CACNB2: variants seen among roughly 807,000 people sequenced by gnomAD.
CACNB2 encodes the protein calcium voltage-gated channel auxiliary subunit beta 2.
In CACNB2, 42 loss-of-function variants were observed where a neutral mutation model predicts 73.3. The observed-to-expected ratio is 0.57, with a 90% CI of 0.45 to 0.74. The LOEUF is 0.74. Among genes scored for constraint, CACNB2 ranks in the 30% least tolerant of loss-of-function variants. CACNB2 has a pLI of 0.00. For synonymous variants in CACNB2, 348 were observed against 310.3 expected (o/e 1.12, Z -1.28); for missense variants, 940 against 853.0 (o/e 1.10, Z -1.27).
At chr10:18,394,760 CA>C (rs1444240735) in intron 2 of CACNB2, among the ~76,000 whole-genome samples, 5 of 152,116 alleles carry the variant, frequency 3.3e-5, no homozygotes. Context: ...GAAATATTTG[CA>C]ATTATTATCA....
intron 3 of CACNB2, among the ~76,000 whole-genome samples, chr10:18,412,570 C>A (rs141433404): frequency 1.3e-5 from 2 of 152,280 alleles, no homozygotes; most frequent in South Asian, 2.1e-4. Flanking sequence ...AGCCACTGAC[C>A]TTTTATTAAA....
intron 3 of CACNB2, among the ~76,000 whole-genome samples, chr10:18,477,822 C>T (rs2048516702): frequency 6.6e-6 from 1 of 152,140 alleles, no homozygotes; most frequent in South Asian, 2.1e-4. Context: ...AGTATTTAAC[C>T]TTTTAGTTGT....
At chr10:18,226,030 C>CTTTT (rs60337517) in intron 2 of CACNB2, among the ~76,000 whole-genome samples, 1 of 145,236 alleles carries the variant, frequency 6.9e-6, no homozygotes. Context: ...CTTTTCTTTT[C>CTTTT]TTTTTTTTTT....
At chr10:18,306,062 T>A (rs2039715285) in intron 2 of CACNB2, among the ~76,000 whole-genome samples, 1 of 151,996 alleles carries the variant, frequency 6.6e-6, no homozygotes, top group Admixed American at 6.5e-5. Flanking sequence ...TGCAGAACAT[T>A]TCAGGAGGAA....
intron 2 of CACNB2, among the ~76,000 whole-genome samples, chr10:18,173,045 C>A (rs1039634981): frequency 6.6e-6 from 1 of 151,540 alleles, no homozygotes; most frequent in Non-Finnish European, 1.5e-5. Context: ...CTCAGCCTAC[C>A]GAGTAGCTGG....
chr10:18,543,100 A>C lies in CACNB2; in HGVS notation c.*3376A>C, dbSNP rs1317000495. ...CTGAACTGTCTAACAAACCTGGTTT[A>C]AAGTAATTCATATAAAACAAATAAA... On this transcript the variant is annotated 3_prime_UTR_variant, in exon 14 of 14. Coordinates refer to ENST00000324631, the MANE Select transcript of CACNB2 (RefSeq NM_201596.3). The C allele has an allele frequency of 6.6e-6, 1 of 152,172 alleles. No individual in the cohort carries two copies. The highest frequency in any genetic ancestry group is 1.9e-4 in the East Asian group (1 of 5,196). 9.4% of individuals were successfully genotyped at this position (152,172 alleles called of 1,614,324 possible).
intron 2 of CACNB2, among the ~76,000 whole-genome samples, chr10:18,199,830 A>G (rs1349940174): frequency 1.3e-5 from 2 of 152,124 alleles, no homozygotes; most frequent in East Asian, 1.9e-4. Context: ...GCGAAGTGTG[A>G]TGGTAGCTTG....
At chr10:18,308,813 C>T (rs887008965) in intron 2 of CACNB2, among the ~76,000 whole-genome samples, 3 of 152,204 alleles carry the variant, frequency 2.0e-5, no homozygotes, top group African/African-American at 7.2e-5. Flanking sequence ...AAGGGTATGA[C>T]TTGACAACTT....
intron 3 of CACNB2, among the ~76,000 whole-genome samples, chr10:18,429,736 G>A (rs1388567240): frequency 1.4e-5 from 2 of 145,172 alleles, no homozygotes; most frequent in African/African-American, 5.2e-5. Context: ...TCAGGAAGCT[G>A]GGGTGGGAGG....
chr10:18,218,263 A>G (rs748379800), intron 2 of CACNB2, among the ~76,000 whole-genome samples: 1 of 152,258 alleles, frequency 6.6e-6, no homozygotes, highest in Admixed American at 6.5e-5. Context: ...GAGTGACAGC[A>G]TAATATTTTG....
chr10:18,536,242 C>CTTTTTTTTT, intron 12 of CACNB2, 46 bp downstream of exon 12: 1 of 281,292 alleles, frequency 3.6e-6, no homozygotes, highest in South Asian at 4.4e-5. Context: ...AGAGATCAGA[C>CTTTTTTTTT]CTTTTTTTTT....
intron 2 of CACNB2, among the ~76,000 whole-genome samples, chr10:18,257,597 C>G (rs528946974): frequency 1.3e-5 from 2 of 152,334 alleles, no homozygotes; most frequent in South Asian, 4.1e-4. Flanking sequence ...GGGATCCTTT[C>G]TCCCTCGCAC....
intron 2 of CACNB2, among the ~76,000 whole-genome samples, chr10:18,358,543 TCTCTCTCTCG>T (rs1188637433): frequency 0.034 from 1,037 of 30,932 alleles, 72 homozygotes; most frequent in Middle Eastern, 0.081. Flanking sequence ...TCTCTCTCTC[TCTCTCTCTCG>T]CTCTCTCTCT....
chr10:18,230,172 CAGAG>C (rs1283108463), intron 2 of CACNB2, among the ~76,000 whole-genome samples: 2 of 152,256 alleles, frequency 1.3e-5, no homozygotes, highest in African/African-American at 4.8e-5. Flanking sequence ...ATGAGGGAGA[CAGAG>C]AGAGCATCCC....
At chr10:18,420,823 T>G (rs563799895) in intron 3 of CACNB2, among the ~76,000 whole-genome samples, 2 of 152,338 alleles carry the variant, frequency 1.3e-5, no homozygotes, top group East Asian at 3.9e-4. Flanking sequence ...AGTTGGACCA[T>G]TATCTGTAGG....
chr10:18,401,444 C>CAA (rs2043991508), intron 2 of CACNB2, among the ~76,000 whole-genome samples: 3 of 152,076 alleles, frequency 2.0e-5, no homozygotes, highest in Admixed American at 1.3e-4. Context: ...GTAAACAAGG[C>CAA]TTTTTCAGAT....
chr10:18,255,786 C>T (rs561966253), intron 2 of CACNB2, among the ~76,000 whole-genome samples: 2 of 152,138 alleles, frequency 1.3e-5, no homozygotes, highest in Admixed American at 1.3e-4. Flanking sequence ...GAAGACGGAC[C>T]CTTCTTTCCT....
At chr10:18,536,316 T>C (rs2053597582) in intron 12 of CACNB2, 120 bp downstream of exon 12, 1 of 628,148 alleles carries the variant, frequency 1.6e-6, no homozygotes, top group South Asian at 1.9e-5. Context: ...GGGAGTGCAG[T>C]GGTATGGTCT....
At position 18,541,514 on chromosome 10, in the gene CACNB2, G is replaced by A. The variant is rs2054066611; in HGVS notation, c.*1790G>A. On this transcript the variant is annotated 3_prime_UTR_variant, in exon 14 of 14. Transcript: ENST00000324631. ...ACCTGGCACTTGAAGTTTGTCCCAG[G>A]AAAATGCCTGTGTATAATTACCTAA... 6.6e-6 allele frequency: 1 copy of A among 152,114 alleles called. No homozygotes were observed. The highest frequency in any genetic ancestry group is 2.4e-5 in the African/African-American group (1 of 41,420). The allele number at this position is 152,114 out of a possible 1,614,324, so 9.4% of individuals were successfully genotyped here.
Sources: gnomAD v4.1 joint callset for allele counts (sites outside exome capture counted in the v4.1 genomes callset) on GRCh38, gnomAD v4.1.1 for gene constraint, MANE v1.5 for transcripts, NCBI Gene and HGNC (gene_info 2026-07-23, HGNC 2026-07-21) for gene names.